The following LINGO2 variants were observed in gnomAD, a reference collection of about 807,000 sequenced individuals.
LINGO2 encodes the protein leucine-rich repeat and immunoglobulin-like domain-containing nogo receptor-interacting protein 2.
A neutral mutation model predicts 30.6 loss-of-function variants in LINGO2; 14 were observed. The observed-to-expected ratio is 0.46, with a 90% CI of 0.30 to 0.72. LINGO2 has a LOEUF of 0.72. LINGO2 is among the 30% of genes least tolerant of loss of function. LINGO2 has a pLI of 0.07. For synonymous variants in LINGO2, 317 were observed against 288.5 expected (o/e 1.10, Z -1.00); for missense variants, 729 against 751.7 (o/e 0.97, Z 0.35).
chr9:29,013,011 A>G, the LINGO2 span, among the ~76,000 whole-genome samples: 1 of 152,206 alleles, frequency 6.6e-6, no homozygotes, highest in Non-Finnish European at 1.5e-5. Context: ...AGCCATCCCA[A>G]GATGACTGTC....
intron 4 of LINGO2, among the ~76,000 whole-genome samples, chr9:28,104,510 G>C (rs1428882564): frequency 2.6e-5 from 4 of 151,448 alleles, no homozygotes; most frequent in African/African-American, 9.7e-5. Context: ...TCCTCCTTCA[G>C]ACCTCCCAAT....
intron 5 of LINGO2, among the ~76,000 whole-genome samples, chr9:27,987,662 TGTAG>T (rs1821189876): frequency 1.3e-5 from 2 of 152,058 alleles, no homozygotes; most frequent in South Asian, 4.1e-4. Context: ...GGGTTGTCTA[TGTAG>T]GTAACTCCTT....
intron 2 of LINGO2, among the ~76,000 whole-genome samples, chr9:28,403,796 G>A (rs1489745788): frequency 6.6e-6 from 1 of 151,702 alleles, no homozygotes. Context: ...TGAGCCTGTT[G>A]GAGATCAGGG....
At chr9:28,533,770 T>A (rs546565123) in intron 1 of LINGO2, among the ~76,000 whole-genome samples, 39 of 152,148 alleles carry the variant, frequency 2.6e-4, no homozygotes, top group Non-Finnish European at 4.0e-4. Context: ...CTTCAATATT[T>A]CCAGCACCCA....
chr9:29,088,933 T>A, the LINGO2 span, among the ~76,000 whole-genome samples: 42 of 152,116 alleles, frequency 2.8e-4, no homozygotes, highest in African/African-American at 1.0e-3. Flanking sequence ...GTGCTTCTGA[T>A]ATCATAGCAA....
intron 3 of LINGO2, among the ~76,000 whole-genome samples, chr9:28,332,421 A>C (rs191063305): frequency 1.3e-5 from 2 of 152,272 alleles, no homozygotes; most frequent in South Asian, 2.1e-4. Context: ...AAGTGAAAAC[A>C]GTAATGTACC....
At chr9:29,007,393 C>T in the LINGO2 span, among the ~76,000 whole-genome samples, 108 of 152,092 alleles carry the variant, frequency 7.1e-4, no homozygotes, top group African/African-American at 2.3e-3. Context: ...CCAAAATATA[C>T]GCCTAAATAA....
At chr9:28,878,733 A>G in the LINGO2 span, among the ~76,000 whole-genome samples, 3 of 152,200 alleles carry the variant, frequency 2.0e-5, no homozygotes, top group South Asian at 6.2e-4. Context: ...ACCAAAGACA[A>G]AAACCACATG....
At chr9:28,948,151 A>C in the LINGO2 span, among the ~76,000 whole-genome samples, 2 of 152,078 alleles carry the variant, frequency 1.3e-5, no homozygotes, top group Non-Finnish European at 2.9e-5. Context: ...GAGTATTCTT[A>C]AATGTATATT....
At chr9:28,847,453 C>A in the LINGO2 span, among the ~76,000 whole-genome samples, 1,025 of 146,678 alleles carry the variant, frequency 7.0e-3, 102 homozygotes, top group African/African-American at 0.025. Context: ...GCACATGAGA[C>A]TCATGGGCAG....
At chr9:29,102,011 A>T in the LINGO2 span, among the ~76,000 whole-genome samples, 1 of 152,004 alleles carries the variant, frequency 6.6e-6, no homozygotes, top group Non-Finnish European at 1.5e-5. Context: ...AAAGTATTTA[A>T]GTCATAGTTG....
the LINGO2 span, among the ~76,000 whole-genome samples, chr9:28,896,756 T>G: frequency 6.6e-6 from 1 of 152,236 alleles, no homozygotes; most frequent in South Asian, 2.1e-4. Context: ...CATATGATAC[T>G]TGTATCATAT....
intron 4 of LINGO2, among the ~76,000 whole-genome samples, chr9:28,083,958 T>C (rs1470477942): frequency 6.6e-6 from 1 of 152,202 alleles, no homozygotes; most frequent in African/African-American, 2.4e-5. Flanking sequence ...AAGATTATAA[T>C]CTGTTTTTTA....
At chr9:28,736,344 T>C in the LINGO2 span, among the ~76,000 whole-genome samples, 1 of 152,156 alleles carries the variant, frequency 6.6e-6, no homozygotes, top group Non-Finnish European at 1.5e-5. Context: ...GCCAGAATAA[T>C]GTTAGCAGTA....
Position 28,569,077 on chromosome 9 carries a change from G to T in LINGO2, c.-364-93052C>A, listed in dbSNP as rs567408392. Among the ~76,000 whole-genome samples, 12 of 150,372 alleles carry T rather than the reference G, an allele frequency of 8.0e-5. 1 individual carries two copies. In the South Asian group the frequency reaches 2.5e-3, roughly 31 times the overall value. ...TCATCAGGTAAATGCAAATCAAACC[G>T]CAATGAGATATCACCTCCCATCTAT... On this transcript the variant is annotated intron_variant, in intron 1 of 5. Coordinates refer to ENST00000379992, the Ensembl canonical transcript of LINGO2.
chr9:28,862,629 A>G, the LINGO2 span, among the ~76,000 whole-genome samples: 1 of 152,128 alleles, frequency 6.6e-6, no homozygotes, highest in Non-Finnish European at 1.5e-5. Flanking sequence ...GATATATTCA[A>G]TGATGATGCA....
At chr9:28,200,557 C>G (rs1820192506) in intron 4 of LINGO2, among the ~76,000 whole-genome samples, 1 of 151,938 alleles carries the variant, frequency 6.6e-6, no homozygotes, top group Admixed American at 6.6e-5. Context: ...TAAATTACTT[C>G]TGAACATTTA....
At chr9:28,306,431 G>A (rs905614036) in intron 3 of LINGO2, among the ~76,000 whole-genome samples, 5 of 152,138 alleles carry the variant, frequency 3.3e-5, no homozygotes, top group African/African-American at 4.8e-5. Context: ...TCAAAACAGT[G>A]TGTAGAGGGA....
At chr9:28,835,108 A>C in the LINGO2 span, among the ~76,000 whole-genome samples, 1 of 152,222 alleles carries the variant, frequency 6.6e-6, no homozygotes, top group Non-Finnish European at 1.5e-5. Context: ...GGTGCTGAGA[A>C]TAGGCAGCAG....
Sources: gnomAD v4.1 joint callset for allele counts (sites outside exome capture counted in the v4.1 genomes callset) on GRCh38, gnomAD v4.1.1 for gene constraint, MANE v1.5 for transcripts, NCBI Gene and HGNC (gene_info 2026-07-23, HGNC 2026-07-21) for gene names.